Variants in C10orf53 observed in about 807,000 individuals in gnomAD.
C10orf53 encodes UPF0728 protein C10orf53.
C10orf53 carries 8 observed loss-of-function variants against 9.4 expected under a neutral mutation model. The observed-to-expected ratio is 0.85, with a 90% CI of 0.50 to 1.53. C10orf53 has a LOEUF of 1.53. C10orf53 is among the 40% of genes most tolerant of loss of function. The pLI, the probability that C10orf53 is intolerant of heterozygous loss-of-function variation, is 0.00. For missense variants in C10orf53, 117 were observed against 117.8 expected, an observed-to-expected ratio of 0.99 and a Z score of 0.03; for synonymous variants, 48 against 46.0, an observed-to-expected ratio of 1.04 and a Z score of -0.18.
chr10:49,692,861 C>T (rs933729971), intron 1 of C10orf53, among the ~76,000 whole-genome samples: 2 of 152,006 alleles, frequency 1.3e-5, no homozygotes, highest in Non-Finnish European at 2.9e-5. Flanking sequence ...AATGCAGATT[C>T]CAAAGATGAG....
At chr10:49,683,608 C>T (rs1403228708) in intron 1 of C10orf53, among the ~76,000 whole-genome samples, 2 of 152,120 alleles carry the variant, frequency 1.3e-5, no homozygotes, top group Non-Finnish European at 2.9e-5. Context: ...GGCATGGTGG[C>T]TCATACCTGT....
In C10orf53 at chr10:49,695,075, G is replaced by A. The variant is rs893539735; in HGVS notation, c.*473G>A. 1 of 462,256 alleles carries A rather than the reference G, an allele frequency of 2.2e-6. No individual in the cohort carries two copies. The highest frequency in any genetic ancestry group is 2.8e-6 in the Non-Finnish European group (1 of 351,840). The allele number at this position is 462,256 out of a possible 1,614,324, so 28.6% of individuals were successfully genotyped here. A position where few individuals can be genotyped will look rare whatever the true frequency, so the allele number is the denominator to read the frequency against. Reference sequence around the variant, plus strand: ...GCAAATGTTAATATTTGGAAACCTTGCTATTCCTACAGATTTATTTCTGAC... The same window carrying A: ...GCAAATGTTAATATTTGGAAACCTTACTATTCCTACAGATTTATTTCTGAC... On this transcript the variant is annotated 3_prime_UTR_variant, in exon 3 of 3. Coordinates refer to ENST00000374111, the MANE Select transcript of C10orf53 (RefSeq NM_001042427.3).
intron 1 of C10orf53, among the ~76,000 whole-genome samples, chr10:49,688,283 T>C (rs1840548228): frequency 6.6e-6 from 1 of 152,058 alleles, no homozygotes. Context: ...CTCTTTCCCT[T>C]ACACTCCCTG....
chr10:49,698,469 A>T (rs1384510768), downstream of C10orf53, among the ~76,000 whole-genome samples: 1 of 152,112 alleles, frequency 6.6e-6, no homozygotes, highest in East Asian at 1.9e-4. Context: ...TCACACTGGG[A>T]TTTGTTACTC....
chr10:49,691,170 T>C (rs1368933861), intron 1 of C10orf53, among the ~76,000 whole-genome samples: 1 of 152,214 alleles, frequency 6.6e-6, no homozygotes, highest in East Asian at 1.9e-4. Context: ...GGGTGCTCCG[T>C]GTAGAGAAGT....
At chr10:49,686,002 G>A (rs1840524799) in intron 1 of C10orf53, among the ~76,000 whole-genome samples, 1 of 152,076 alleles carries the variant, frequency 6.6e-6, no homozygotes, top group African/African-American at 2.4e-5. Flanking sequence ...CAGGTCTCCA[G>A]GGCTGTTCAT....
intron 1 of C10orf53, among the ~76,000 whole-genome samples, chr10:49,693,146 ATGT>A (rs1840600724): frequency 6.6e-6 from 1 of 152,202 alleles, no homozygotes; most frequent in Non-Finnish European, 1.5e-5. Context: ...ATTTTTATAA[ATGT>A]CCAAATAAAA....
rs1052307274 is a variant in C10orf53, at chr10:49,703,388, TAAG to T, written c.218-4967_218-4965del. Among the ~76,000 whole-genome samples, 18 of 152,284 alleles carry T rather than the reference TAAG, an allele frequency of 1.2e-4. No homozygotes were observed. In the South Asian group the frequency reaches 2.7e-3, roughly 23 times the overall value. On this transcript the variant is annotated intron_variant, in intron 2 of 2. Coordinates refer to the C10orf53 transcript ENST00000374112. ...GGCCTTCGCAACACCCCCTCCCTTTTAAGAAGAATTCTCAGAAGCCTCACATGA... is the reference window on the plus strand; with the variant it reads ...GGCCTTCGCAACACCCCCTCCCTTTTAAGAATTCTCAGAAGCCTCACATGA...
rs958144057 is a variant in C10orf53, at chr10:49,693,767, T to G, written c.98-7T>G. 1 of 1,612,876 alleles carries G rather than the reference T, an allele frequency of 6.2e-7. No homozygotes were observed. Among genetic ancestry groups the G allele is most frequent in the African/African-American group, 1.3e-5 (1 of 75,034 alleles). ...ATGTCACTCACCTCCTTTTCTTTCC[T>G]TCCCAGCTGTGTTGGCCATAGATGG... On this transcript the variant is annotated splice_region_variant and splice_polypyrimidine_tract_variant and intron_variant, in intron 1 of 2. Transcript: ENST00000374111.
chr10:49,704,674 G>T (rs1840710119), intron 2 of C10orf53, among the ~76,000 whole-genome samples: 1 of 152,172 alleles, frequency 6.6e-6, no homozygotes, highest in African/African-American at 2.4e-5. Flanking sequence ...AACCCAGGAG[G>T]CAGAGGTTGC....
rs1840632648 is a variant in C10orf53, at chr10:49,696,142, T to G, written c.*1540T>G. 1 of 152,248 alleles carries G rather than the reference T, an allele frequency of 6.6e-6. No individual in the cohort carries two copies. Among genetic ancestry groups the G allele is most frequent in the South Asian group, 2.1e-4 (1 of 4,822 alleles). The allele number at this position is 152,248 out of a possible 1,614,324, so 9.4% of individuals were successfully genotyped here. On this transcript the variant is annotated 3_prime_UTR_variant, in exon 3 of 3. Transcript: ENST00000374111. Reference sequence around the variant, plus strand: ...TCATCCATTTGAGATTTATGCACAATTTTGTAAGTTTTTAAAAATTTTTCA... The same window carrying G: ...TCATCCATTTGAGATTTATGCACAAGTTTGTAAGTTTTTAAAAATTTTTCA...
chr10:49,703,980 G>T (rs1481442686), intron 2 of C10orf53, among the ~76,000 whole-genome samples: 1 of 152,180 alleles, frequency 6.6e-6, no homozygotes, highest in East Asian at 1.9e-4. Context: ...TTAAAATGTG[G>T]TTAGGACAAT....
downstream of C10orf53, among the ~76,000 whole-genome samples, chr10:49,701,152 C>T (rs190166431): frequency 6.6e-5 from 10 of 152,228 alleles, no homozygotes; most frequent in East Asian, 1.9e-4. Flanking sequence ...TACACTCCAG[C>T]GGAGGGCAGC....
rs1840744673 is a variant in C10orf53, at chr10:49,709,252, G to C, written c.*635G>C. 3.3e-5 allele frequency: 5 copies of C among 152,504 alleles called. No homozygotes were observed. In the South Asian group the frequency reaches 1.0e-3, roughly 32 times the overall value. 9.4% of individuals were successfully genotyped at this position (152,504 alleles called of 1,614,324 possible). A position where few individuals can be genotyped will look rare whatever the true frequency, so the allele number is the denominator to read the frequency against. ...TCAACTCTAGGGCTTGTGGCAAAAG[G>C]ATGGTAAGAGAAGGAATGATGTGTT... On this transcript the variant is annotated 3_prime_UTR_variant, in exon 3 of 3. Coordinates refer to the C10orf53 transcript ENST00000374112.
intron 1 of C10orf53, among the ~76,000 whole-genome samples, chr10:49,692,878 AAGTT>A (rs2132882106): frequency 6.6e-6 from 1 of 152,362 alleles, no homozygotes; most frequent in African/African-American, 2.4e-5. Flanking sequence ...TGAGAATAAA[AAGTT>A]AGTTCATTAG....
chr10:49,696,860 G>A lies in C10orf53; in HGVS notation c.*2258G>A, dbSNP rs1461955942. Among the ~76,000 whole-genome samples, 1 of 152,172 alleles carries A rather than the reference G, an allele frequency of 6.6e-6. No individual in the cohort carries two copies. The highest frequency in any genetic ancestry group is 1.5e-5 in the Non-Finnish European group (1 of 68,034). On this transcript the variant is annotated 3_prime_UTR_variant, in exon 3 of 3. Transcript: ENST00000374111. ...TAGTGGTGGAATTGATTTTCACTTTGTATGTAAGTGTGTGTTAGGGGTACT... is the reference window on the plus strand; with the variant it reads ...TAGTGGTGGAATTGATTTTCACTTTATATGTAAGTGTGTGTTAGGGGTACT...
intron 1 of C10orf53, among the ~76,000 whole-genome samples, chr10:49,684,475 C>T (rs544884517): frequency 5.9e-5 from 9 of 152,216 alleles, no homozygotes; most frequent in Admixed American, 2.6e-4. Flanking sequence ...AATATTAAGC[C>T]GTTTAGTCCA....
chr10:49,701,871 G>T (rs1840685874), downstream of C10orf53, among the ~76,000 whole-genome samples: 2 of 152,272 alleles, frequency 1.3e-5, no homozygotes. Flanking sequence ...GATAAGAAGG[G>T]TCAAAATCAG....
At chr10:49,693,477 T>C (rs1450145954) in intron 1 of C10orf53, among the ~76,000 whole-genome samples, 2 of 152,216 alleles carry the variant, frequency 1.3e-5, no homozygotes, top group African/African-American at 4.8e-5. Context: ...CTCTATAAGA[T>C]TGAGCCTCTG....
Sources: allele counts gnomAD v4.1 joint callset (sites outside exome capture counted in the v4.1 genomes callset), GRCh38; gene constraint gnomAD v4.1.1; transcripts MANE v1.5; gene names NCBI Gene and HGNC (gene_info 2026-07-23, HGNC 2026-07-21).